The following PTPRD variants were observed in gnomAD, a reference collection of about 807,000 sequenced individuals.
PTPRD encodes the protein protein tyrosine phosphatase receptor type D, also known as receptor-type tyrosine-protein phosphatase delta.
A neutral mutation model predicts 214.5 loss-of-function variants in PTPRD; 34 were observed. That is an observed-to-expected ratio of 0.16 (90% CI 0.12 to 0.21). The LOEUF is 0.21. Ranked by LOEUF, PTPRD falls within the 10% of genes least tolerant of loss-of-function variation. The pLI, the probability that PTPRD is intolerant of heterozygous loss-of-function variation, is 1.00. For synonymous variants in PTPRD, 1,128 were observed against 845.7 expected (o/e 1.33, Z -5.79); for missense variants, 2,545 against 2,398.7 (o/e 1.06, Z -1.27).
intron 4 of PTPRD, among the ~76,000 whole-genome samples, chr9:10,009,312 G>T (rs1395977495): frequency 6.9e-6 from 1 of 145,444 alleles, no homozygotes; most frequent in Non-Finnish European, 1.5e-5. Context: ...AAGTATCCAA[G>T]GTGGTTGGGT....
intron 19 of PTPRD, among the ~76,000 whole-genome samples, chr9:8,523,172 CT>C (rs1429100618): frequency 6.6e-6 from 1 of 152,080 alleles, no homozygotes; most frequent in East Asian, 1.9e-4. Context: ...AAAAGTCATT[CT>C]ATGGGCAGCA....
chr9:10,069,471 C>T (rs146075138), intron 3 of PTPRD, among the ~76,000 whole-genome samples: 2 of 152,046 alleles, frequency 1.3e-5, no homozygotes, highest in East Asian at 3.9e-4. Context: ...AACTGCCTGA[C>T]CATTTTTTAA....
chr9:10,027,743 A>T (rs2096955966), intron 4 of PTPRD, among the ~76,000 whole-genome samples: 1 of 152,234 alleles, frequency 6.6e-6, no homozygotes, highest in East Asian at 1.9e-4. Flanking sequence ...TGTAATAGAA[A>T]CTACTAAAGT....
intron 39 of PTPRD, among the ~76,000 whole-genome samples, chr9:8,345,239 G>A (rs1436606014): frequency 2.0e-5 from 3 of 151,960 alleles, no homozygotes; most frequent in East Asian, 3.9e-4. Context: ...AGTAAATGTT[G>A]GTTTCCTTTC....
chr9:9,819,808 G>A (rs1157293211), intron 5 of PTPRD, among the ~76,000 whole-genome samples: 1 of 152,130 alleles, frequency 6.6e-6, no homozygotes, highest in African/African-American at 2.4e-5. Context: ...CAGCCATGTT[G>A]CTGCAAAGGA....
intron 3 of PTPRD, among the ~76,000 whole-genome samples, chr9:10,220,224 A>T (rs113325923): frequency 4.6e-5 from 7 of 151,852 alleles, no homozygotes; most frequent in African/African-American, 1.4e-4. Context: ...TATTAACATA[A>T]TCTGTTTTTA....
chr9:9,274,683 G>T (rs1234689951), intron 9 of PTPRD, among the ~76,000 whole-genome samples: 3 of 150,956 alleles, frequency 2.0e-5, no homozygotes, highest in Non-Finnish European at 4.4e-5. Context: ...GTTGCTCTTG[G>T]TTTATACCCA....
intron 9 of PTPRD, among the ~76,000 whole-genome samples, chr9:9,289,203 A>G (rs116114783): frequency 0.018 from 2,674 of 151,946 alleles, 74 homozygotes; most frequent in African/African-American, 0.06. Flanking sequence ...TAATTAAACT[A>G]ACACCATCCT....
chr9:9,745,680 T>G (rs2154459539), intron 6 of PTPRD, among the ~76,000 whole-genome samples: 1 of 152,302 alleles, frequency 6.6e-6, no homozygotes, highest in East Asian at 1.9e-4. Context: ...CTTGTCACAG[T>G]CTAGATAATC....
At chr9:9,346,911 T>C (rs910987445) in intron 9 of PTPRD, among the ~76,000 whole-genome samples, 10 of 152,122 alleles carry the variant, frequency 6.6e-5, no homozygotes, top group Non-Finnish European at 1.3e-4. Flanking sequence ...CAGGCTGGTC[T>C]CAAACTCCTG....
chr9:10,054,057 C>A (rs538088949), intron 3 of PTPRD, among the ~76,000 whole-genome samples: 2 of 152,078 alleles, frequency 1.3e-5, no homozygotes. Context: ...CCACACCCTG[C>A]GACTTTAAAA....
intron 8 of PTPRD, among the ~76,000 whole-genome samples, chr9:9,499,809 C>G (rs531152564): frequency 3.3e-5 from 5 of 152,130 alleles, no homozygotes; most frequent in South Asian, 4.1e-4. Flanking sequence ...GATTTCTTTC[C>G]TTCATTTGAC....
At chr9:9,073,870 T>C (rs1364313586) in intron 10 of PTPRD, among the ~76,000 whole-genome samples, 1 of 152,152 alleles carries the variant, frequency 6.6e-6, no homozygotes, top group Non-Finnish European at 1.5e-5. Context: ...TTATATTATA[T>C]GTGATAATCC....
chr9:9,438,578 G>GC (rs1022646715), intron 8 of PTPRD, among the ~76,000 whole-genome samples: 2 of 152,118 alleles, frequency 1.3e-5, no homozygotes, highest in African/African-American at 4.8e-5. Context: ...TGTGTACTGG[G>GC]CCAACCAAAG....
intron 4 of PTPRD, among the ~76,000 whole-genome samples, chr9:9,985,608 G>A (rs899797096): frequency 1.3e-5 from 2 of 151,774 alleles, no homozygotes; most frequent in African/African-American, 4.8e-5. Flanking sequence ...ATAATAAAAG[G>A]AACTTTAAAT....
intron 5 of PTPRD, among the ~76,000 whole-genome samples, chr9:9,769,759 A>T (rs1206880777): frequency 6.6e-6 from 1 of 151,344 alleles, no homozygotes; most frequent in Non-Finnish European, 1.5e-5. Context: ...TCCCTCCCCT[A>T]GCCCCCCACC....
intron 7 of PTPRD, among the ~76,000 whole-genome samples, chr9:9,614,409 G>C (rs990757944): frequency 3.3e-5 from 5 of 151,780 alleles, no homozygotes; most frequent in Non-Finnish European, 5.9e-5. Flanking sequence ...TTTTAAATGA[G>C]GAAAAAATAA....
At chr9:8,619,956 G>T (rs984937172) in intron 14 of PTPRD, among the ~76,000 whole-genome samples, 6 of 151,960 alleles carry the variant, frequency 3.9e-5, no homozygotes, top group Non-Finnish European at 7.4e-5. Context: ...AGCATGTTTG[G>T]TCAAGCCACC....
chr9:9,807,167 C>G (rs993093165), intron 5 of PTPRD, among the ~76,000 whole-genome samples: 2 of 152,098 alleles, frequency 1.3e-5, no homozygotes, highest in African/African-American at 4.8e-5. Flanking sequence ...TGCCCCTCAG[C>G]AGAATTATTT....
Sources: gnomAD v4.1 joint callset for allele counts (sites outside exome capture counted in the v4.1 genomes callset) on GRCh38, gnomAD v4.1.1 for gene constraint, MANE v1.5 for transcripts, NCBI Gene and HGNC (gene_info 2026-07-23, HGNC 2026-07-21) for gene names.